CSMD1: variants seen among roughly 807,000 people sequenced by gnomAD.
CSMD1 encodes the protein CUB and Sushi multiple domains 1.
A neutral mutation model predicts 417.5 loss-of-function variants in CSMD1; 213 were observed. That is an observed-to-expected ratio of 0.51 (90% CI 0.46 to 0.57). The LOEUF is 0.57. CSMD1 is among the 20% of genes least tolerant of loss of function. The pLI is 0.00. For missense variants in CSMD1, 6,923 were observed against 4,529.7 expected, an observed-to-expected ratio of 1.53 and a Z score of -15.17; for synonymous variants, 2,862 against 1,736.8, an observed-to-expected ratio of 1.65 and a Z score of -16.11.
intron 5 of CSMD1, among the ~76,000 whole-genome samples, chr8:3,887,278 G>C (rs1294927203): frequency 6.6e-6 from 1 of 152,172 alleles, no homozygotes; most frequent in Non-Finnish European, 1.5e-5. Context: ...ACAACCACCT[G>C]GGAGGCCCAC....
chr8:4,115,704 G>C (rs1404237864), intron 3 of CSMD1, among the ~76,000 whole-genome samples: 1 of 152,096 alleles, frequency 6.6e-6, no homozygotes. Context: ...TAAGAGGTGA[G>C]TGAATAAACT....
chr8:3,440,141 C>T (rs1403551197), intron 12 of CSMD1, among the ~76,000 whole-genome samples: 1 of 152,182 alleles, frequency 6.6e-6, no homozygotes, highest in Non-Finnish European at 1.5e-5. Flanking sequence ...TCCAGTTCCT[C>T]TACATTTTCA....
At chr8:3,981,026 T>A (rs1486713715) in intron 5 of CSMD1, among the ~76,000 whole-genome samples, 1 of 152,232 alleles carries the variant, frequency 6.6e-6, no homozygotes, top group South Asian at 2.1e-4. Context: ...TCAACTATCC[T>A]GTAGTAACCA....
chr8:3,434,752 G>A (rs1398376606), intron 12 of CSMD1, among the ~76,000 whole-genome samples: 2 of 152,104 alleles, frequency 1.3e-5, no homozygotes, highest in East Asian at 1.9e-4. Context: ...CAGATAGCTT[G>A]TCTGCTCCCA....
chr8:3,591,076 C>A (rs184047250), intron 8 of CSMD1, among the ~76,000 whole-genome samples: 1 of 152,106 alleles, frequency 6.6e-6, no homozygotes, highest in South Asian at 2.1e-4. Flanking sequence ...TACTTTAGTC[C>A]GCCCTAGATT....
intron 30 of CSMD1, among the ~76,000 whole-genome samples, chr8:3,214,108 T>C (rs915245417): frequency 1.3e-5 from 2 of 151,908 alleles, no homozygotes; most frequent in Non-Finnish European, 2.9e-5. Flanking sequence ...CCTCTTGAAG[T>C]GCTGGGATTA....
intron 5 of CSMD1, among the ~76,000 whole-genome samples, chr8:3,765,008 G>C (rs959292604): frequency 2.6e-4 from 40 of 152,012 alleles, no homozygotes; most frequent in African/African-American, 9.2e-4. Flanking sequence ...GCCTCCCAAA[G>C]TTCTGGGATT....
intron 7 of CSMD1, among the ~76,000 whole-genome samples, chr8:3,659,753 A>G (rs1217238315): frequency 6.6e-6 from 1 of 152,190 alleles, no homozygotes; most frequent in Admixed American, 6.5e-5. Flanking sequence ...CACCCCTATG[A>G]AAAATACTGG....
intron 5 of CSMD1, among the ~76,000 whole-genome samples, chr8:3,779,235 T>C (rs1043943377): frequency 6.6e-6 from 1 of 151,950 alleles, no homozygotes; most frequent in African/African-American, 2.4e-5. Context: ...GTATGCCTTC[T>C]AGAAGGTGAG....
intron 2 of CSMD1, among the ~76,000 whole-genome samples, chr8:4,540,656 T>C (rs1797335633): frequency 6.6e-6 from 1 of 152,286 alleles, no homozygotes; most frequent in East Asian, 1.9e-4. Flanking sequence ...CCTAACAGTG[T>C]ACAAAGGTCA....
chr8:3,896,768 G>C (rs924700897), intron 5 of CSMD1, among the ~76,000 whole-genome samples: 1 of 151,872 alleles, frequency 6.6e-6, no homozygotes, highest in Non-Finnish European at 1.5e-5. Flanking sequence ...AGAAATATAC[G>C]TAAACAGCAA....
intron 5 of CSMD1, among the ~76,000 whole-genome samples, chr8:3,970,589 G>C (rs986907044): frequency 1.3e-5 from 2 of 152,152 alleles, no homozygotes; most frequent in African/African-American, 4.8e-5. Context: ...AGACCCAACA[G>C]AATGAATAGC....
At chr8:3,937,984 G>A (rs1810621595) in intron 5 of CSMD1, among the ~76,000 whole-genome samples, 1 of 152,076 alleles carries the variant, frequency 6.6e-6, no homozygotes, top group South Asian at 2.1e-4. Context: ...TATATCACAT[G>A]AATTTCAAAA....
At chr8:3,003,975 A>G (rs1373214467) in intron 52 of CSMD1, among the ~76,000 whole-genome samples, 1 of 152,206 alleles carries the variant, frequency 6.6e-6, no homozygotes, top group South Asian at 2.1e-4. Context: ...AGCTTAGTAC[A>G]TAGTAGGTGT....
chr8:3,551,076 T>C (rs1261349962), intron 10 of CSMD1, among the ~76,000 whole-genome samples: 3 of 152,200 alleles, frequency 2.0e-5, no homozygotes, highest in African/African-American at 4.8e-5. Context: ...TGAGAGCTCA[T>C]GGCAGAACAA....
chr8:4,433,181 T>C (rs2128948347), intron 2 of CSMD1, among the ~76,000 whole-genome samples: 1 of 152,306 alleles, frequency 6.6e-6, no homozygotes, highest in Non-Finnish European at 1.5e-5. Context: ...TGGCGAGTTG[T>C]ATAACTATTT....
At chr8:4,799,626 A>AAAAAAAAAAT (rs1798169991) in intron 1 of CSMD1, among the ~76,000 whole-genome samples, 1 of 134,208 alleles carries the variant, frequency 7.5e-6, no homozygotes, top group Admixed American at 7.8e-5. Context: ...AAAAAAAAAA[A>AAAAAAAAAAT]AAGTAATCCC....
chr8:3,697,775 T>C (rs1308882833), intron 7 of CSMD1, among the ~76,000 whole-genome samples: 1 of 152,216 alleles, frequency 6.6e-6, no homozygotes, highest in East Asian at 1.9e-4. Context: ...AATGCACTTC[T>C]AAAAAGTAGT....
chr8:3,454,783 ATG>A (rs1316815440), intron 12 of CSMD1, among the ~76,000 whole-genome samples: 4 of 152,012 alleles, frequency 2.6e-5, no homozygotes, highest in Admixed American at 2.0e-4. Flanking sequence ...TCTGACAATT[ATG>A]TGTCTTTGAG....
Sources: gnomAD v4.1 joint callset for allele counts (sites outside exome capture counted in the v4.1 genomes callset) on GRCh38, gnomAD v4.1.1 for gene constraint, MANE v1.5 for transcripts, NCBI Gene and HGNC (gene_info 2026-07-23, HGNC 2026-07-21) for gene names.